The following KMT5B variants were observed in gnomAD, a reference collection of about 807,000 sequenced individuals.
KMT5B encodes histone-lysine N-methyltransferase KMT5B.
KMT5B carries 10 observed loss-of-function variants against 83.2 expected under a neutral mutation model. That is an observed-to-expected ratio of 0.12 (90% confidence interval 0.07 to 0.20). The LOEUF (loss-of-function observed/expected upper bound fraction) is 0.20. Among genes scored for constraint, KMT5B ranks in the 10% least tolerant of loss-of-function variants. The pLI is 1.00. For synonymous variants in KMT5B, 349 were observed against 388.8 expected, an observed-to-expected ratio of 0.90 and a Z score of 1.20; for missense variants, 753 against 1,067.2, an observed-to-expected ratio of 0.71 and a Z score of 4.10.
intron 1 of KMT5B, among the ~76,000 whole-genome samples, chr11:68,202,322 G>A (rs149936321): frequency 6.6e-6 from 1 of 152,210 alleles, no homozygotes; most frequent in Non-Finnish European, 1.5e-5. Flanking sequence ...CTTACACAAA[G>A]GAAAGGGAAA....
intron 4 of KMT5B, among the ~76,000 whole-genome samples, chr11:68,178,826 T>G (rs968271366): frequency 6.6e-6 from 1 of 152,152 alleles, no homozygotes; most frequent in Non-Finnish European, 1.5e-5. Context: ...TTCCTATTAT[T>G]GAACAGAAAA....
chr11:68,158,222 G>A lies in KMT5B; in HGVS notation c.2124C>T (p.Ile708=). Residue 708 remains isoleucine, a synonymous_variant, in exon 11 of 11, where the codon ATC becomes ATT. Transcript: ENST00000304363. The part of the protein sequence containing the change: ...RRITRYDAQL[I]LENNSGIPKL... ...TGGGAATCCCAGAGTTATTTTCTAG[G>A]ATTAACTGTGCATCATACCTTGTGA... 5 of 1,614,138 alleles carry A rather than the reference G, an allele frequency of 3.1e-6. No homozygotes were observed. The highest frequency in any genetic ancestry group is 4.2e-6 in the Non-Finnish European group (5 of 1,180,036).
At chr11:68,211,294 A>G (rs1263253274) in intron 1 of KMT5B, among the ~76,000 whole-genome samples, 2 of 152,124 alleles carry the variant, frequency 1.3e-5, no homozygotes, top group East Asian at 3.9e-4. Context: ...TTGCTGCGAG[A>G]ATAAAAAGTT....
At chr11:68,208,337 C>T (rs1860438535) in intron 1 of KMT5B, among the ~76,000 whole-genome samples, 1 of 150,204 alleles carries the variant, frequency 6.7e-6, no homozygotes, top group African/African-American at 2.4e-5. Context: ...ATCCCAGCTA[C>T]TCGGGAGGCT....
chr11:68,178,825 T>C (rs1856634016), intron 4 of KMT5B, among the ~76,000 whole-genome samples: 1 of 152,192 alleles, frequency 6.6e-6, no homozygotes, highest in African/African-American at 2.4e-5. Context: ...TTTCCTATTA[T>C]TGAACAGAAA....
chr11:68,166,766 A>G (rs993256354), intron 10 of KMT5B: 1 of 1,388,714 alleles, frequency 7.2e-7, no homozygotes, highest in African/African-American at 1.4e-5. Context: ...CAAGGTATTC[A>G]AGAAAAATAG....
intron 4 of KMT5B, 110 bp from the exon 5 acceptor site, chr11:68,175,293 T>C: frequency 1.3e-6 from 1 of 768,064 alleles, no homozygotes; most frequent in Non-Finnish European, 2.1e-6. Context: ...GCCATGGTTA[T>C]CAGAGCAAAG....
At chr11:68,163,672 T>C (rs989730394) in intron 10 of KMT5B, among the ~76,000 whole-genome samples, 1 of 152,196 alleles carries the variant, frequency 6.6e-6, no homozygotes, top group African/African-American at 2.4e-5. Flanking sequence ...CCAGAAGGCC[T>C]CTGACAGGAC....
At chr11:68,168,715 G>A (rs974635098) in intron 9 of KMT5B, among the ~76,000 whole-genome samples, 18 of 152,298 alleles carry the variant, frequency 1.2e-4, no homozygotes, top group Middle Eastern at 3.4e-3. Context: ...CAGTGTAGCA[G>A]AGAAACATGC....
chr11:68,188,118 G>A (rs1449355629), intron 2 of KMT5B, among the ~76,000 whole-genome samples: 1 of 149,634 alleles, frequency 6.7e-6, no homozygotes, highest in East Asian at 2.0e-4. Flanking sequence ...TCTGCCTCCC[G>A]GGTTCACACC....
At position 68,158,265 on chromosome 11, in the gene KMT5B, C is replaced by T. The variant is rs747775912; in HGVS notation, c.2081G>A (p.Ser694Asn). 1.9e-6 allele frequency: 3 copies of T among 1,614,018 alleles called. No individual in the cohort carries two copies. The highest frequency in any genetic ancestry group is 2.5e-6 in the Non-Finnish European group (3 of 1,180,034). The change falls in exon 11 of 11, where the codon AGT becomes AAT. Residue 694 changes from serine to asparagine, a missense_variant. Ser to Asn is a conservative substitution (Grantham distance 46). Transcript: ENST00000304363. ...KTKDSFRTAKSKKKRRITRYD... is the reference protein window; with the variant it reads ...KTKDSFRTAKNKKKRRITRYD... Reference sequence around the variant, plus strand: ...CCTTGTGATTCGCCTCTTCTTTTTACTTTTTGCAGTTCTAAAGCTGTCTTT... The same window carrying T: ...CCTTGTGATTCGCCTCTTCTTTTTATTTTTTGCAGTTCTAAAGCTGTCTTT...
intron 5 of KMT5B, 75 bp downstream of exon 5, chr11:68,174,943 C>T: frequency 7.5e-7 from 1 of 1,327,828 alleles, no homozygotes; most frequent in East Asian, 2.4e-5. Context: ...TCAGTATTAA[C>T]TAACATTTAG....
chr11:68,185,125 A>C (rs1031058454), intron 3 of KMT5B, among the ~76,000 whole-genome samples: 1 of 152,232 alleles, frequency 6.6e-6, no homozygotes, highest in Admixed American at 6.5e-5. Context: ...GATGTACCCT[A>C]CTTTAGGTTG....
rs146143706 is a variant in KMT5B, at chr11:68,158,766, G to A, written c.1580C>T (p.Ser527Leu). The A allele has an allele frequency of 2.5e-4, 405 of 1,614,142 alleles. No individual in the cohort carries two copies. Among genetic ancestry groups the A allele is most frequent in the African/African-American group, 6.8e-4 (51 of 75,028 alleles). Residue 527 changes from serine to leucine, a missense_variant, in exon 11 of 11, where the codon TCG becomes TTG. This residue lies in a region of KMT5B where 397 missense variants were observed against 395.9 expected (regional missense o/e 1.00). Coordinates refer to ENST00000304363, the MANE Select transcript of KMT5B (RefSeq NM_017635.5). Reference sequence around the variant, plus strand: ...GGTGCAGGGCGAGCTCTCCCCCTGCGAATGAGCACCTCTCACAGGATTCTG... The same window carrying A: ...GGTGCAGGGCGAGCTCTCCCCCTGCAAATGAGCACCTCTCACAGGATTCTG... ...HRQNPVRGAH[S>L]QGESSPCTYI...
intron 2 of KMT5B, among the ~76,000 whole-genome samples, chr11:68,186,699 G>A (rs1428139720): frequency 6.6e-6 from 1 of 152,234 alleles, no homozygotes; most frequent in Non-Finnish European, 1.5e-5. Flanking sequence ...TAAGTTTGAT[G>A]TATATGCCAC....
In KMT5B at chr11:68,157,139, T is replaced by C. The variant is rs1859356719; in HGVS notation, c.*549A>G. On this transcript the variant is annotated 3_prime_UTR_variant, in exon 11 of 11. Coordinates refer to ENST00000304363, the MANE Select transcript of KMT5B (RefSeq NM_017635.5). Reference sequence around the variant, plus strand: ...ACCAATCTGACTCCCAACCAATGGTTTGCGATATTAACAAAGGCCACAAAC... The same window carrying C: ...ACCAATCTGACTCCCAACCAATGGTCTGCGATATTAACAAAGGCCACAAAC... 6.6e-6 allele frequency: 1 copy of C among 152,112 alleles called. No individual in the cohort carries two copies. Among genetic ancestry groups the C allele is most frequent in the South Asian group, 2.1e-4 (1 of 4,792 alleles). 9.4% of individuals were successfully genotyped at this position (152,112 alleles called of 1,614,324 possible). A position where few individuals can be genotyped will look rare whatever the true frequency, so the allele number is the denominator to read the frequency against.
chr11:68,177,824 G>A (rs1856527162), intron 4 of KMT5B, among the ~76,000 whole-genome samples: 1 of 152,184 alleles, frequency 6.6e-6, no homozygotes. Flanking sequence ...ATAAAGAGCT[G>A]TAGAATTGGG....
At chr11:68,209,345 T>C (rs6591335) in intron 1 of KMT5B, among the ~76,000 whole-genome samples, 100,858 of 151,938 alleles carry the variant, frequency 0.66, 34,060 homozygotes, top group East Asian at 0.89. Context: ...CTAGAGGGCG[T>C]ATGAGAGCTT....
At position 68,167,014 on chromosome 11, in the gene KMT5B, T is replaced by C; in HGVS notation, c.1142A>G (p.Asp381Gly). The change falls in exon 10 of 11, where the codon GAT becomes GGT. Residue 381 changes from aspartate to glycine, a missense_variant. By Grantham distance (94) the Asp-to-Gly change is moderately conservative. This residue lies in a region of KMT5B where 397 missense variants were observed against 395.9 expected (regional missense o/e 1.00). Coordinates refer to ENST00000304363, the MANE Select transcript of KMT5B (RefSeq NM_017635.5). ...SDSQSVSSNT[D>G]ADTTQEKNNA... ...GTTTTTTTCCTGAGTGGTATCTGCA[T>C]CAGTGTTAGAGCTGACAGATTGACT... 1 of 1,614,160 alleles carries C rather than the reference T, an allele frequency of 6.2e-7. No homozygotes were observed. Among genetic ancestry groups the C allele is most frequent in the Non-Finnish European group, 8.5e-7 (1 of 1,179,996 alleles).
Sources: gnomAD v4.1 joint callset for allele counts (sites outside exome capture counted in the v4.1 genomes callset) on GRCh38, gnomAD v4.1.1 for gene constraint, gnomAD v4.1.1 regional missense constraint, MANE v1.5 for transcripts, NCBI Gene and HGNC (gene_info 2026-07-23, HGNC 2026-07-21) for gene names.